The following AKR1B10 variants were observed in gnomAD, a reference collection of about 807,000 sequenced individuals.
AKR1B10 encodes aldo-keto reductase family 1 member B10, also known as ARP.
In AKR1B10, 39 loss-of-function variants were observed where a neutral mutation model predicts 38.9. That is an observed-to-expected ratio of 1.00 (90% CI 0.78 to 1.31). The LOEUF is 1.31. AKR1B10 is among the 50% of genes most tolerant of loss of function. AKR1B10 has a pLI of 0.00. For missense variants in AKR1B10, 361 were observed against 382.6 expected, an observed-to-expected ratio of 0.94 and a Z score of 0.47; for synonymous variants, 148 against 141.2, an observed-to-expected ratio of 1.05 and a Z score of -0.34.
chr7:134,528,769 GAGAA>G (rs1180667488), intron 1 of AKR1B10, among the ~76,000 whole-genome samples: 1 of 152,046 alleles, frequency 6.6e-6, no homozygotes, highest in Admixed American at 6.6e-5. Context: ...GAGAGACAGA[GAGAA>G]ACAAAATGCA....
chr7:134,538,159 G>T (rs777244775), intron 7 of AKR1B10, 35 bp from the exon 8 acceptor site: 1 of 1,581,914 alleles, frequency 6.3e-7, no homozygotes, highest in Non-Finnish European at 8.7e-7. Flanking sequence ...GGTCTTTGGA[G>T]CTGAGTGGAA....
At chr7:134,529,597 G>A (rs758813552) in intron 1 of AKR1B10, among the ~76,000 whole-genome samples, 4 of 152,124 alleles carry the variant, frequency 2.6e-5, no homozygotes, top group Non-Finnish European at 5.9e-5. Flanking sequence ...CTCGTTTCTT[G>A]TCCAGGTGGT....
At chr7:134,532,299 A>C (rs1461329162) in intron 3 of AKR1B10, among the ~76,000 whole-genome samples, 1 of 152,272 alleles carries the variant, frequency 6.6e-6, no homozygotes, top group East Asian at 1.9e-4. Flanking sequence ...GACAAGTTGC[A>C]ACTGCCATAT....
intron 9 of AKR1B10, among the ~76,000 whole-genome samples, chr7:134,539,824 A>T (rs1440629196): frequency 1.3e-5 from 2 of 152,234 alleles, no homozygotes; most frequent in Non-Finnish European, 2.9e-5. Flanking sequence ...GTATCTAATT[A>T]AATGTATCAA....
Position 134,537,581 on chromosome 7 carries a change from G to A in AKR1B10, c.661G>A (p.Ala221Thr), listed in dbSNP as rs1481379459. The A allele has an allele frequency of 2.5e-6, 4 of 1,613,588 alleles. No homozygotes were observed. The African/African-American group carries it at 5.3e-5, about 22-fold the overall frequency. ...SPLGSPDRPWAKPEDPSLLED... is the reference protein window; with the variant it reads ...SPLGSPDRPWTKPEDPSLLED... ...ACATCAGCATCTTTCTGCCCCTAGG[G>A]CCAAGCCAGAAGACCCTTCCCTGCT... is the stretch of plus-strand genomic sequence containing the variant. The change falls in exon 7 of 10, where the codon GCC becomes ACC. Residue 221 changes from alanine to threonine, a missense_variant and splice_region_variant. Around this residue, in one of 3 missense-constraint regions of AKR1B10, gnomAD observed 132 missense variants for 134.6 expected, o/e 0.98. Transcript: ENST00000359579.
At position 134,538,232 on chromosome 7, in the gene AKR1B10, C is replaced by G. The variant is rs555300572; in HGVS notation, c.780C>G (p.Val260=). Reference sequence around the variant, plus strand: ...TCCATATCCAGAGGAATGTGATTGTCATCCCCAAGTCTGTGACACCAGCAC... The same window carrying G: ...TCCATATCCAGAGGAATGTGATTGTGATCCCCAAGTCTGTGACACCAGCAC... ...IRFHIQRNVI[V]IPKSVTPARI... The change falls in exon 8 of 10, where the codon GTC becomes GTG. Residue 260 remains valine, a synonymous_variant. Coordinates refer to ENST00000359579, the MANE Select transcript of AKR1B10 (RefSeq NM_020299.5). 1.1e-4 allele frequency: 178 copies of G among 1,614,080 alleles called. 1 individual carries two copies. The highest frequency in any genetic ancestry group is 4.2e-4 in the East Asian group (19 of 44,874).
rs549361519 is a variant in AKR1B10, at chr7:134,538,013, A to G, written c.742-181A>G. On this transcript the variant is annotated intron_variant, in intron 7 of 9. Coordinates refer to ENST00000359579, the MANE Select transcript of AKR1B10 (RefSeq NM_020299.5). ...AAAGGAAGATCACAGGGTTGTCTCTAAGGTGAAGGGAGAGAAAGAGGTGGG... is the reference window on the plus strand; with the variant it reads ...AAAGGAAGATCACAGGGTTGTCTCTGAGGTGAAGGGAGAGAAAGAGGTGGG... 7.4e-6 allele frequency: 5 copies of G among 678,286 alleles called. No individual in the cohort carries two copies. The East Asian group carries it at 1.1e-4, about 15-fold the overall frequency. 42.0% of individuals were successfully genotyped at this position (678,286 alleles called of 1,614,324 possible). A position where few individuals can be genotyped will look rare whatever the true frequency, so the allele number is the denominator to read the frequency against.
rs754091937 is a variant in AKR1B10 at position 134,527,937 on chromosome 7, C to T, written c.26C>T (p.Thr9Ile). ...ATGGCCACGTTTGTGGAGCTCAGTA[C>T]CAAAGCCAAGATGCCCATTGTGGGC... MATFVELSTKAKMPIVGLG... is the reference protein window; with the variant it reads MATFVELSIKAKMPIVGLG... The change falls in exon 1 of 10, where the codon ACC (threonine) becomes ATC (isoleucine). Residue 9 changes from threonine to isoleucine, a missense_variant. Thr to Ile is a moderately conservative substitution (Grantham distance 89, BLOSUM62 -1). This residue lies in a region of AKR1B10 where 220 missense variants were observed against 216.1 expected (regional missense o/e 1.02). Transcript: ENST00000359579. 1 of 1,613,824 alleles carries T rather than the reference C, an allele frequency of 6.2e-7. No homozygotes were observed. The highest frequency in any genetic ancestry group is 8.5e-7 in the Non-Finnish European group (1 of 1,179,970).
At chr7:134,531,828 A>G (rs1013379179) in intron 2 of AKR1B10, 80 bp from the exon 3 acceptor site, 150 of 1,550,584 alleles carry the variant, frequency 9.7e-5, no homozygotes, top group Non-Finnish European at 1.3e-4. Flanking sequence ...TGAGGATGCA[A>G]ATCAAAAAGC....
chr7:134,532,004 C>G lies in AKR1B10; in HGVS notation c.331C>G (p.His111Asp), dbSNP rs779869150. 61 of 1,614,016 alleles carry G rather than the reference C, an allele frequency of 3.8e-5. No homozygotes were observed. The highest frequency in any genetic ancestry group is 5.1e-5 in the Non-Finnish European group (60 of 1,179,996). ...GAGCTATCTGGACGTCTATCTTATT[C>G]ACTGGCCACAGGGATTCAAGGTTTA... ...KLSYLDVYLI[H>D]WPQGFKSGDD... Residue 111 changes from histidine (H) to aspartate (D), a missense_variant, in exon 3 of 10, where the codon CAC (histidine) becomes GAC (aspartate). Coordinates refer to ENST00000359579, the MANE Select transcript of AKR1B10 (RefSeq NM_020299.5).
At position 134,541,354 on chromosome 7, in the gene AKR1B10, G is replaced by T; in HGVS notation, c.*265G>T. 2.7e-6 allele frequency: 1 copy of T among 373,214 alleles called. No individual in the cohort carries two copies. The highest frequency in any genetic ancestry group is 4.8e-6 in the Non-Finnish European group (1 of 209,200). 23.1% of individuals were successfully genotyped at this position (373,214 alleles called of 1,614,324 possible). On this transcript the variant is annotated 3_prime_UTR_variant, in exon 10 of 10. Coordinates refer to ENST00000359579, the MANE Select transcript of AKR1B10 (RefSeq NM_020299.5). The stretch of plus-strand genomic sequence containing the variant: ...CAGAACAAATGTTTATTAAGCATCA[G>T]AAACTCTGCCAACACTGAGGATGTA...
At chr7:134,536,904 G>A (rs1423432555) in intron 5 of AKR1B10, 132 bp downstream of exon 5, 5 of 1,577,530 alleles carry the variant, frequency 3.2e-6, no homozygotes, top group Non-Finnish European at 4.3e-6. Context: ...GGAGGTGTGA[G>A]GCTGATCTCA....
intron 1 of AKR1B10, among the ~76,000 whole-genome samples, chr7:134,529,863 G>A (rs1332554782): frequency 1.3e-5 from 2 of 150,698 alleles, no homozygotes; most frequent in African/African-American, 2.4e-5. Context: ...TTTTACAGGA[G>A]TGGAAAACAA....
Position 134,536,708 on chromosome 7 carries a change from G to T in AKR1B10, c.488G>T (p.Ser163Ile), listed in dbSNP as rs372195311. The T allele has an allele frequency of 9.3e-6, 15 of 1,613,894 alleles. No homozygotes were observed. Among genetic ancestry groups the T allele is most frequent in the Non-Finnish European group, 1.3e-5 (15 of 1,179,816 alleles). ...AAAGCCCTTGGGGTCTCCAATTTCA[G>T]CCACTTCCAGATCGAGAAGCTCTTG... ...LVKALGVSNFSHFQIEKLLNK... is the reference protein window; with the variant it reads ...LVKALGVSNFIHFQIEKLLNK... The change falls in exon 5 of 10, where the codon AGC becomes ATC. Residue 163 changes from serine to isoleucine, a missense_variant. Around this residue, in one of 3 missense-constraint regions of AKR1B10, gnomAD observed 220 missense variants for 216.1 expected, o/e 1.02. Coordinates refer to ENST00000359579, the MANE Select transcript of AKR1B10 (RefSeq NM_020299.5).
chr7:134,540,944 A>G, intron 9 of AKR1B10, 103 bp from the exon 10 acceptor site: 1 of 852,958 alleles, frequency 1.2e-6, no homozygotes, highest in East Asian at 2.6e-5. Context: ...CTAAGAGAGC[A>G]CAAATATGAT....
chr7:134,530,872 G>A (rs1807836659), intron 2 of AKR1B10, 62 bp downstream of exon 2: 1 of 1,549,692 alleles, frequency 6.5e-7, no homozygotes. Context: ...TCTGGGTCGG[G>A]TTGGCAGCAA....
At position 134,537,612 on chromosome 7, in the gene AKR1B10, A is replaced by T. The variant is rs1808047597; in HGVS notation, c.692A>T (p.Asp231Val). ...AKPEDPSLLEDPKIKEIAAKH... is the reference protein window; with the variant it reads ...AKPEDPSLLEVPKIKEIAAKH... Reference sequence around the variant, plus strand: ...CCAGAAGACCCTTCCCTGCTGGAGGATCCCAAGATTAAGGAGATTGCTGCA... The same window carrying T: ...CCAGAAGACCCTTCCCTGCTGGAGGTTCCCAAGATTAAGGAGATTGCTGCA... The change falls in exon 7 of 10, where the codon GAT becomes GTT. Residue 231 changes from aspartate (D) to valine (V), a missense_variant. Transcript: ENST00000359579. The T allele has an allele frequency of 6.2e-7, 1 of 1,614,074 alleles. No homozygotes were observed. Among genetic ancestry groups the T allele is most frequent in the African/African-American group, 1.3e-5 (1 of 75,042 alleles).
intron 9 of AKR1B10, among the ~76,000 whole-genome samples, chr7:134,539,264 G>A (rs943352081): frequency 9.9e-5 from 15 of 152,094 alleles, no homozygotes; most frequent in African/African-American, 1.9e-4. Flanking sequence ...GTCAATAGGC[G>A]GGAGGCAGAA....
At chr7:134,534,845 A>G (rs895374695) in intron 4 of AKR1B10, among the ~76,000 whole-genome samples, 1 of 152,202 alleles carries the variant, frequency 6.6e-6, no homozygotes, top group Admixed American at 6.5e-5. Flanking sequence ...CTACTGCCCA[A>G]TTTGGATAAC....
Sources: gnomAD v4.1 joint callset for allele counts (sites outside exome capture counted in the v4.1 genomes callset) on GRCh38, gnomAD v4.1.1 for gene constraint, gnomAD v4.1.1 regional missense constraint, MANE v1.5 for transcripts, NCBI Gene and HGNC (gene_info 2026-07-23, HGNC 2026-07-21) for gene names.